Variants in MSRA observed in about 807,000 individuals in gnomAD.
The protein encoded by MSRA is methionine sulfoxide reductase A, also known as mitochondrial peptide methionine sulfoxide reductase.
MSRA carries 54 observed loss-of-function variants against 31.3 expected under a neutral mutation model. That is an observed-to-expected ratio of 1.73 (90% confidence interval 1.39 to 2.17). MSRA has a LOEUF of 2.17. Ranked by LOEUF, MSRA falls within the 30% of genes most tolerant of loss-of-function variation. The pLI is 0.00. For synonymous variants in MSRA, 169 were observed against 116.5 expected (o/e 1.45, Z -2.90); for missense variants, 507 against 300.9 (o/e 1.69, Z -5.07).
At chr8:10,198,469 G>A (rs537917385) in intron 1 of MSRA, among the ~76,000 whole-genome samples, 31 of 152,138 alleles carry the variant, frequency 2.0e-4, no homozygotes, top group Non-Finnish European at 3.7e-4. Context: ...TTCTCCATGT[G>A]TGGGGTCATT....
chr8:10,095,456 G>T, intron 1 of MSRA: 1 of 985,022 alleles, frequency 1.0e-6, no homozygotes, highest in Non-Finnish European at 1.2e-6. Flanking sequence ...TAATTGATCC[G>T]CAAAGGACAT....
chr8:10,382,360 T>G (rs1055182265), intron 5 of MSRA, among the ~76,000 whole-genome samples: 2 of 152,270 alleles, frequency 1.3e-5, no homozygotes, highest in South Asian at 4.1e-4. Flanking sequence ...ATGATCATGG[T>G]CTTCATCTCC....
intron 1 of MSRA, among the ~76,000 whole-genome samples, chr8:10,195,069 C>T (rs536773239): frequency 7.9e-5 from 12 of 152,182 alleles, no homozygotes; most frequent in African/African-American, 2.9e-4. Flanking sequence ...TATAGTTACC[C>T]TATTCTTTAT....
chr8:10,404,044 A>G (rs958505621), intron 5 of MSRA, among the ~76,000 whole-genome samples: 4 of 152,222 alleles, frequency 2.6e-5, no homozygotes, highest in Admixed American at 2.6e-4. Flanking sequence ...ATATGTCATT[A>G]TATATCATAT....
chr8:10,173,282 G>C (rs1303915497), intron 1 of MSRA, among the ~76,000 whole-genome samples: 1 of 152,212 alleles, frequency 6.6e-6, no homozygotes, highest in Non-Finnish European at 1.5e-5. Flanking sequence ...TTTGTTCTCT[G>C]CCATGTAAAA....
At chr8:10,363,805 A>G (rs1563396710) in intron 5 of MSRA, among the ~76,000 whole-genome samples, 1 of 116,076 alleles carries the variant, frequency 8.6e-6, no homozygotes, top group Non-Finnish European at 1.8e-5. Context: ...GTGCGCACCC[A>G]CCTGTAGTCC....
At chr8:10,091,464 TTGA>T (rs1433563990) in intron 1 of MSRA, among the ~76,000 whole-genome samples, 1 of 152,234 alleles carries the variant, frequency 6.6e-6, no homozygotes, top group Non-Finnish European at 1.5e-5. Flanking sequence ...CGTTTATCTG[TTGA>T]TGGACACTTA....
intron 5 of MSRA, chr8:10,337,751 G>A (rs902833026): frequency 1.4e-6 from 1 of 702,640 alleles, no homozygotes. Context: ...GGGGCTCACT[G>A]CAGCCTCCTC....
chr8:10,154,677 A>G (rs1313962654), intron 1 of MSRA, among the ~76,000 whole-genome samples: 1 of 152,074 alleles, frequency 6.6e-6, no homozygotes, highest in East Asian at 1.9e-4. Flanking sequence ...GCGTCCAGCC[A>G]GGTTTGTGTT....
intron 5 of MSRA, among the ~76,000 whole-genome samples, chr8:10,400,859 T>C (rs1452978764): frequency 6.6e-6 from 1 of 152,182 alleles, no homozygotes; most frequent in Non-Finnish European, 1.5e-5. Flanking sequence ...CCTCACACCA[T>C]ACACAACAAT....
intron 3 of MSRA, among the ~76,000 whole-genome samples, chr8:10,294,815 ACAG>A (rs1176241441): frequency 6.6e-6 from 1 of 151,636 alleles, no homozygotes; most frequent in Non-Finnish European, 1.5e-5. Context: ...AACCTTCCCC[ACAG>A]CAGCACAGAG....
At chr8:10,349,593 C>A (rs1029856333) in intron 5 of MSRA, among the ~76,000 whole-genome samples, 34 of 152,234 alleles carry the variant, frequency 2.2e-4, no homozygotes, top group African/African-American at 8.0e-4. Flanking sequence ...CCTCTGGGAG[C>A]CTCCCCTGGC....
intron 3 of MSRA, among the ~76,000 whole-genome samples, chr8:10,274,745 C>A (rs1475887418): frequency 1.3e-5 from 2 of 152,070 alleles, no homozygotes; most frequent in East Asian, 3.9e-4. Flanking sequence ...GTACACCCAC[C>A]CACTCACCCA....
chr8:10,353,884 C>A (rs2129160529), intron 5 of MSRA: 1 of 224,900 alleles, frequency 4.4e-6, no homozygotes, highest in Non-Finnish European at 9.0e-6. Context: ...AATATGAAGA[C>A]AAAAAGATGA....
intron 5 of MSRA, among the ~76,000 whole-genome samples, chr8:10,361,067 C>T (rs1419186673): frequency 6.6e-6 from 1 of 152,218 alleles, no homozygotes; most frequent in Non-Finnish European, 1.5e-5. Flanking sequence ...TCCTTGGTGG[C>T]CCGTTTCCAT....
chr8:10,109,926 G>T (rs896462416), intron 1 of MSRA, among the ~76,000 whole-genome samples: 3 of 152,290 alleles, frequency 2.0e-5, no homozygotes, highest in African/African-American at 4.8e-5. Context: ...TGAAAGATCA[G>T]TTGCCACAGT....
At chr8:10,077,756 C>A (rs1044924699) in intron 1 of MSRA, among the ~76,000 whole-genome samples, 1 of 152,292 alleles carries the variant, frequency 6.6e-6, no homozygotes, top group East Asian at 1.9e-4. Flanking sequence ...TCCTGTCCTT[C>A]TGGAAGCCCT....
intron 3 of MSRA, among the ~76,000 whole-genome samples, chr8:10,253,699 A>G (rs1798031343): frequency 6.6e-6 from 1 of 152,194 alleles, no homozygotes; most frequent in Non-Finnish European, 1.5e-5. Flanking sequence ...TGATGTTTTC[A>G]AATCACATCT....
chr8:10,170,269 G>T (rs1345096468), intron 1 of MSRA, among the ~76,000 whole-genome samples: 3 of 152,142 alleles, frequency 2.0e-5, no homozygotes, highest in Non-Finnish European at 4.4e-5. Context: ...GATGATATCA[G>T]GAAGTGGGGC....
Sources: gnomAD v4.1 joint callset for allele counts (sites outside exome capture counted in the v4.1 genomes callset) on GRCh38, gnomAD v4.1.1 for gene constraint, MANE v1.5 for transcripts, NCBI Gene and HGNC (gene_info 2026-07-23, HGNC 2026-07-21) for gene names.